Variants in GRM1 observed in about 807,000 individuals in gnomAD.
The protein encoded by GRM1 is metabotropic glutamate receptor 1.
In GRM1, 33 loss-of-function variants were observed where a neutral mutation model predicts 90.9. The observed-to-expected ratio is 0.36, with a 90% CI of 0.28 to 0.49. The LOEUF is 0.49. Among genes scored for constraint, GRM1 ranks in the 20% least tolerant of loss-of-function variants. GRM1 has a pLI of 0.99. For synonymous variants in GRM1, 700 were observed against 613.2 expected, an observed-to-expected ratio of 1.14 and a Z score of -2.09; for missense variants, 1,190 against 1,534.3, an observed-to-expected ratio of 0.78 and a Z score of 3.75.
chr6:146,371,047 C>T lies in GRM1; in HGVS notation c.1602+13353C>T, dbSNP rs183102666. ...CTTCATTTCCATTTTTTCTTTCTCT[C>T]ATAGTCTATATTATTGCCTTCCATT... On this transcript the variant is annotated intron_variant, in intron 5 of 7. Coordinates refer to ENST00000282753, the MANE Select transcript of GRM1 (RefSeq NM_001278064.2). 7.9e-5 allele frequency among the ~76,000 whole-genome samples: 12 copies of T among 152,112 alleles called. No homozygotes were observed. The East Asian group carries it at 1.9e-3, about 24-fold the overall frequency.
At chr6:146,357,918 G>A (rs1785651967) in intron 5 of GRM1, among the ~76,000 whole-genome samples, 1 of 152,170 alleles carries the variant, frequency 6.6e-6, no homozygotes, top group Non-Finnish European at 1.5e-5. Context: ...GAATCACAAT[G>A]ATGGACTGGA....
At chr6:146,353,926 C>A (rs990111837) in intron 4 of GRM1, among the ~76,000 whole-genome samples, 2 of 152,180 alleles carry the variant, frequency 1.3e-5, no homozygotes, top group Admixed American at 1.3e-4. Flanking sequence ...GCCACTTTGC[C>A]CGGCCTGGCA....
At chr6:146,397,221 G>A (rs1236575466) in intron 6 of GRM1, among the ~76,000 whole-genome samples, 5 of 152,020 alleles carry the variant, frequency 3.3e-5, no homozygotes, top group Non-Finnish European at 7.4e-5. Context: ...GGTGGCTCAT[G>A]CCTGTAGTCC....
At chr6:146,287,672 C>T (rs1782814841) in intron 2 of GRM1, among the ~76,000 whole-genome samples, 1 of 152,060 alleles carries the variant, frequency 6.6e-6, no homozygotes, top group Non-Finnish European at 1.5e-5. Flanking sequence ...CTCAGCTTTA[C>T]AATGGGTTGT....
chr6:146,272,693 G>T (rs758399140), intron 2 of GRM1, among the ~76,000 whole-genome samples: 1 of 152,162 alleles, frequency 6.6e-6, no homozygotes, highest in Non-Finnish European at 1.5e-5. Context: ...GAATTGAGGA[G>T]GCTTGTGTGA....
intron 2 of GRM1, among the ~76,000 whole-genome samples, chr6:146,205,822 C>T (rs1050704720): frequency 2.6e-5 from 4 of 152,282 alleles, no homozygotes; most frequent in Admixed American, 2.6e-4. Context: ...TTACCCTGCC[C>T]CTGTCCTGAT....
At chr6:146,263,347 A>G (rs183312800) in intron 2 of GRM1, among the ~76,000 whole-genome samples, 187 of 152,122 alleles carry the variant, frequency 1.2e-3, no homozygotes, top group African/African-American at 4.2e-3. Context: ...TATTAGTATG[A>G]TTGCAGTTTT....
rs375504735 is a variant in GRM1 at position 146,157,419 on chromosome 6, C to T, written c.701-1929C>T. On this transcript the variant is annotated intron_variant, in intron 1 of 7. Transcript: ENST00000282753. ...TATGAGGTAATGGGTATGCCTATGT[C>T]CAAACTCATCAAGACGTATACATTA... is the stretch of plus-strand genomic sequence containing the variant. Among the ~76,000 whole-genome samples the T allele has an allele frequency of 1.9e-3, 292 of 152,178 alleles. 14 individuals carry two copies. The South Asian group carries it at 0.058, about 30-fold the overall frequency.
At chr6:146,209,000 A>G (rs976357550) in intron 2 of GRM1, among the ~76,000 whole-genome samples, 3 of 152,162 alleles carry the variant, frequency 2.0e-5, no homozygotes, top group African/African-American at 7.2e-5. Context: ...ATATTACTTT[A>G]TAATTTCTTT....
At chr6:146,259,701 G>A (rs145298168) in intron 2 of GRM1, among the ~76,000 whole-genome samples, 158 of 151,972 alleles carry the variant, frequency 1.0e-3, no homozygotes, top group Admixed American at 2.6e-3. Context: ...TCGTTCATTC[G>A]TTGATGAACA....
At chr6:146,120,138 A>C (rs754728595) in intron 1 of GRM1, among the ~76,000 whole-genome samples, 1 of 152,064 alleles carries the variant, frequency 6.6e-6, no homozygotes, top group African/African-American at 2.4e-5. Flanking sequence ...TTGTAGTTCT[A>C]CTTGAAGAGG....
At chr6:146,302,949 A>G (rs1269770080) in intron 2 of GRM1, among the ~76,000 whole-genome samples, 1 of 151,944 alleles carries the variant, frequency 6.6e-6, no homozygotes, top group East Asian at 2.0e-4. Flanking sequence ...TCTATACAAA[A>G]AGAGTCTCTA....
At chr6:146,396,738 G>GA (rs373117421) in intron 6 of GRM1, among the ~76,000 whole-genome samples, 2 of 151,932 alleles carry the variant, frequency 1.3e-5, no homozygotes, top group Non-Finnish European at 2.9e-5. Context: ...AACAGATATG[G>GA]AAAAAAATAT....
At chr6:146,273,989 G>T (rs73783680) in intron 2 of GRM1, among the ~76,000 whole-genome samples, 1 of 152,178 alleles carries the variant, frequency 6.6e-6, no homozygotes. Flanking sequence ...TTATGCAGAT[G>T]CATAGGAATA....
chr6:146,352,593 G>T, intron 4 of GRM1, 97 bp downstream of exon 4: 3 of 1,260,990 alleles, frequency 2.4e-6, no homozygotes, highest in Non-Finnish European at 3.5e-6. Context: ...GTTTCTGGGT[G>T]CCATGAGGAT....
chr6:146,041,664 C>T (rs905614908), intron 1 of GRM1, among the ~76,000 whole-genome samples: 2 of 151,978 alleles, frequency 1.3e-5, no homozygotes, highest in African/African-American at 2.4e-5. Flanking sequence ...GACTCGGTAT[C>T]TCCTTTGTCT....
intron 1 of GRM1, among the ~76,000 whole-genome samples, chr6:146,123,294 T>C (rs1776068875): frequency 6.6e-6 from 1 of 152,234 alleles, no homozygotes; most frequent in Non-Finnish European, 1.5e-5. Flanking sequence ...GAGATGATCT[T>C]CCCAGCGAAA....
At position 146,220,021 on chromosome 6, in the gene GRM1, G is replaced by A. The variant is rs569563397; in HGVS notation, c.950+60424G>A. Among the ~76,000 whole-genome samples, 26 of 152,080 alleles carry A rather than the reference G, an allele frequency of 1.7e-4. 1 individual carries two copies. In the South Asian group the frequency reaches 5.4e-3, roughly 32 times the overall value. On this transcript the variant is annotated intron_variant, in intron 2 of 7. Transcript: ENST00000282753. Reference sequence around the variant, plus strand: ...GAGGTAGAAAAGAACAGATGACCGTGAGTACGTAGAATTACATATCTGTGT... The same window carrying A: ...GAGGTAGAAAAGAACAGATGACCGTAAGTACGTAGAATTACATATCTGTGT...
chr6:146,282,999 G>C (rs1388899960), intron 2 of GRM1, among the ~76,000 whole-genome samples: 1 of 152,146 alleles, frequency 6.6e-6, no homozygotes, highest in Non-Finnish European at 1.5e-5. Flanking sequence ...CAAGAAGAGA[G>C]GTACAGTATT....
Sources: allele counts gnomAD v4.1 joint callset (sites outside exome capture counted in the v4.1 genomes callset), GRCh38; gene constraint gnomAD v4.1.1; transcripts MANE v1.5; gene names NCBI Gene and HGNC (gene_info 2026-07-23, HGNC 2026-07-21).